Variants in CNTN5 observed in about 807,000 individuals in gnomAD.
CNTN5 encodes the protein contactin-5.
CNTN5 carries 77 observed loss-of-function variants against 129.1 expected under a neutral mutation model. The ratio of observed to expected loss-of-function variants is 0.60; its 90% CI spans 0.50 to 0.72. CNTN5 has a LOEUF of 0.72. Ranked by LOEUF, CNTN5 falls within the 30% of genes least tolerant of loss-of-function variation. The pLI, the probability that CNTN5 is intolerant of heterozygous loss-of-function variation, is 0.00. For missense variants in CNTN5, 1,478 were observed against 1,328.8 expected, an observed-to-expected ratio of 1.11 and a Z score of -1.75; for synonymous variants, 509 against 465.6, an observed-to-expected ratio of 1.09 and a Z score of -1.20.
At chr11:99,671,963 G>A (rs938538866) in intron 3 of CNTN5, among the ~76,000 whole-genome samples, 10 of 152,122 alleles carry the variant, frequency 6.6e-5, no homozygotes, top group Admixed American at 2.0e-4. Flanking sequence ...AGGTGTGCGT[G>A]TGAAAAATGT....
intron 1 of CNTN5, among the ~76,000 whole-genome samples, chr11:99,118,565 G>A (rs1439364123): frequency 1.3e-5 from 2 of 151,862 alleles, no homozygotes; most frequent in African/African-American, 2.4e-5. Context: ...ACATTCATCC[G>A]AGAAGTATGG....
intron 6 of CNTN5, among the ~76,000 whole-genome samples, chr11:99,898,801 C>A (rs1949276453): frequency 6.6e-6 from 1 of 151,794 alleles, no homozygotes; most frequent in South Asian, 2.1e-4. Flanking sequence ...AGAAACATAA[C>A]ATTCCCAAGT....
At chr11:100,273,551 G>A (rs1950446679) in intron 18 of CNTN5, among the ~76,000 whole-genome samples, 2 of 152,116 alleles carry the variant, frequency 1.3e-5, no homozygotes, top group Admixed American at 6.5e-5. Context: ...GACCCCTCCA[G>A]CTTGCAGAGC....
chr11:99,880,906 T>TA (rs988969851), intron 6 of CNTN5, among the ~76,000 whole-genome samples: 4 of 152,098 alleles, frequency 2.6e-5, no homozygotes, highest in African/African-American at 4.8e-5. Flanking sequence ...TTTTAATATT[T>TA]AAAAAAATTG....
At position 99,216,223 on chromosome 11, in the gene CNTN5, C is replaced by G. The variant is rs1860106717; in HGVS notation, c.-209-109123C>G. ...TTCATAAGTCCAGTATTTTTTAGTT[C>G]CCACATATAAGTGAGAACGTGTGAT... On this transcript the variant is annotated intron_variant, in intron 1 of 24. Coordinates refer to ENST00000524871, the MANE Select transcript of CNTN5 (RefSeq NM_014361.4). 3.3e-5 allele frequency among the ~76,000 whole-genome samples: 5 copies of G among 152,036 alleles called. No homozygotes were observed. The South Asian group carries it at 8.3e-4, about 25-fold the overall frequency.
At chr11:99,029,198 G>A (rs1274867459) in intron 1 of CNTN5, among the ~76,000 whole-genome samples, 1 of 150,960 alleles carries the variant, frequency 6.6e-6, no homozygotes, top group Non-Finnish European at 1.5e-5. Flanking sequence ...TTCATTCTAA[G>A]CTTATCTGTC....
chr11:100,125,254 G>A (rs1259032883), intron 13 of CNTN5, among the ~76,000 whole-genome samples: 1 of 151,978 alleles, frequency 6.6e-6, no homozygotes, highest in African/African-American at 2.4e-5. Flanking sequence ...GCTGAGGTTT[G>A]TGATATGATT....
intron 18 of CNTN5, among the ~76,000 whole-genome samples, chr11:100,290,414 G>C (rs1169885404): frequency 8.7e-5 from 13 of 149,244 alleles, no homozygotes; most frequent in Non-Finnish European, 7.5e-5. Context: ...CAGAGATATA[G>C]ATCAATGGAA....
chr11:100,003,410 A>G (rs1939999750), intron 9 of CNTN5, among the ~76,000 whole-genome samples: 1 of 152,176 alleles, frequency 6.6e-6, no homozygotes. Context: ...AGGTCTGAAA[A>G]TGTCCCAAGT....
intron 2 of CNTN5, among the ~76,000 whole-genome samples, chr11:99,421,316 G>T (rs555107055): frequency 1.2e-4 from 18 of 152,152 alleles, no homozygotes; most frequent in Admixed American, 2.6e-4. Context: ...TACTAGTGAA[G>T]AATTTTGACA....
intron 13 of CNTN5, among the ~76,000 whole-genome samples, chr11:100,111,731 A>C: frequency 6.6e-6 from 1 of 152,306 alleles, no homozygotes; most frequent in South Asian, 2.1e-4. Context: ...ATTGTAGAGA[A>C]GATCTCTAGA....
intron 3 of CNTN5, among the ~76,000 whole-genome samples, chr11:99,742,281 G>T (rs551109335): frequency 1.1e-4 from 16 of 152,210 alleles, no homozygotes; most frequent in Admixed American, 2.6e-4. Flanking sequence ...GAATGGCAAT[G>T]CTTATCATGT....
At position 99,363,719 on chromosome 11, in the gene CNTN5, A is replaced by T. The variant is rs895292288; in HGVS notation, c.-71+38235A>T. On this transcript the variant is annotated intron_variant, in intron 2 of 24. Transcript: ENST00000524871. ...AATAAATCCCATGGCCATGCTAAAG[A>T]TCAGTAGGGTAGGAAAACAGGACAG... Among the ~76,000 whole-genome samples, 3 of 152,140 alleles carry T rather than the reference A, an allele frequency of 2.0e-5. 1 individual carries two copies. Among genetic ancestry groups the T allele is most frequent in the Admixed American group, 2.0e-4 (3 of 15,256 alleles).
intron 1 of CNTN5, among the ~76,000 whole-genome samples, chr11:99,220,958 C>T (rs1245680931): frequency 2.1e-5 from 2 of 96,798 alleles, no homozygotes; most frequent in Non-Finnish European, 4.8e-5. Context: ...CTGGAATTGC[C>T]CCACTTGTCC....
At chr11:99,706,018 A>AT (rs1201097037) in intron 3 of CNTN5, among the ~76,000 whole-genome samples, 3 of 151,532 alleles carry the variant, frequency 2.0e-5, no homozygotes, top group African/African-American at 7.3e-5. Context: ...GACTCTTAAA[A>AT]ATATATATTA....
chr11:99,158,622 A>G (rs1480635805), intron 1 of CNTN5, among the ~76,000 whole-genome samples: 1 of 152,200 alleles, frequency 6.6e-6, no homozygotes, highest in Non-Finnish European at 1.5e-5. Flanking sequence ...GGTACCTAAG[A>G]AAACATTGTT....
intron 18 of CNTN5, among the ~76,000 whole-genome samples, chr11:100,291,751 T>TAATAAATAAATA (rs201648211): frequency 8.6e-4 from 106 of 123,706 alleles, no homozygotes; most frequent in Admixed American, 2.2e-3. Context: ...TAAAGTATAA[T>TAATAAATAAATA]AATAAATAAA....
intron 3 of CNTN5, among the ~76,000 whole-genome samples, chr11:99,644,228 C>CTGAG (rs35540308): frequency 0.6 from 91,080 of 151,668 alleles, 28,155 homozygotes; most frequent in Admixed American, 0.69. Context: ...GAAACTCCTC[C>CTGAG]TATTACGTCT....
At chr11:100,059,528 TAAAA>T (rs57281844) in intron 9 of CNTN5, among the ~76,000 whole-genome samples, 10,675 of 151,196 alleles carry the variant, frequency 0.071, 478 homozygotes, top group East Asian at 0.19. Context: ...AGCAAAATAA[TAAAA>T]AAAACATAAG....
Sources: allele counts gnomAD v4.1 joint callset (sites outside exome capture counted in the v4.1 genomes callset), GRCh38; gene constraint gnomAD v4.1.1; transcripts MANE v1.5; gene names NCBI Gene and HGNC (gene_info 2026-07-23, HGNC 2026-07-21).